The following RFC1 variants were observed in gnomAD, a reference collection of about 807,000 sequenced individuals.
RFC1 encodes replication factor C subunit 1.
Under a neutral mutation model 137.4 loss-of-function variants are expected in RFC1, and 37 were observed. The ratio of observed to expected loss-of-function variants is 0.27; its 90% CI spans 0.21 to 0.35. The LOEUF is 0.35. RFC1 is among the 10% of genes least tolerant of loss of function. The pLI is 1.00. For missense variants in RFC1, 1,205 were observed against 1,358.5 expected (o/e 0.89, Z 1.78); for synonymous variants, 429 against 455.7 (o/e 0.94, Z 0.75).
intron 4 of RFC1, among the ~76,000 whole-genome samples, chr4:39,333,590 T>C (rs1451480705): frequency 6.7e-6 from 1 of 148,682 alleles, no homozygotes; most frequent in Non-Finnish European, 1.5e-5. Context: ...CTCATGAAAA[T>C]AGCAAAACGG....
intron 1 of RFC1, among the ~76,000 whole-genome samples, chr4:39,364,591 T>C (rs767657092): frequency 2.6e-5 from 4 of 152,208 alleles, no homozygotes; most frequent in Non-Finnish European, 5.9e-5. Flanking sequence ...ATGTTCACCA[T>C]AAATGACAGA....
intron 4 of RFC1, among the ~76,000 whole-genome samples, chr4:39,332,297 T>C (rs1740141781): frequency 6.6e-6 from 1 of 152,194 alleles, no homozygotes; most frequent in African/African-American, 2.4e-5. Context: ...TGCTTTAGTT[T>C]CTACCTCCTC....
rs768864359 is a variant in RFC1, at chr4:39,300,113, G to C, written c.2716C>G (p.Leu906Val). 3 of 1,613,988 alleles carry C rather than the reference G, an allele frequency of 1.9e-6. No homozygotes were observed. Among genetic ancestry groups the C allele is most frequent in the Non-Finnish European group, 2.5e-6 (3 of 1,179,910 alleles). The change falls in exon 21 of 25, where the codon CTT becomes GTT. Residue 906 changes from leucine (L) to valine (V), a missense_variant. Physicochemically the swap from Leu to Val is conservative, Grantham distance 32. Transcript: ENST00000349703. ...AGGDMKKHLM[L>V]LSRAADSICD... ...ATGCTGTCTGCTGCTCTGCTTAAAAGCATCAGGTGCTTTTTCATGTCACCC... is the reference window on the plus strand; with the variant it reads ...ATGCTGTCTGCTGCTCTGCTTAAAACCATCAGGTGCTTTTTCATGTCACCC...
At chr4:39,291,502 A>AT in intron 23 of RFC1, 137 bp downstream of exon 23, 1 of 655,354 alleles carries the variant, frequency 1.5e-6, no homozygotes. Flanking sequence ...TCTTTGGAAA[A>AT]TATAGGCCAT....
chr4:39,321,158 C>G, intron 8 of RFC1, 129 bp downstream of exon 8: 1 of 730,122 alleles, frequency 1.4e-6, no homozygotes, highest in Non-Finnish European at 2.2e-6. Context: ...TCAATATGCT[C>G]TAATAGTCCT....
intron 12 of RFC1, among the ~76,000 whole-genome samples, chr4:39,309,819 G>C (rs1738878767): frequency 6.6e-6 from 1 of 152,210 alleles, no homozygotes; most frequent in Non-Finnish European, 1.5e-5. Flanking sequence ...TTTATAGTAT[G>C]TAATATCTCA....
At chr4:39,333,106 A>G (rs1560611320) in intron 4 of RFC1, among the ~76,000 whole-genome samples, 1 of 152,248 alleles carries the variant, frequency 6.6e-6, no homozygotes, top group Admixed American at 6.5e-5. Flanking sequence ...AGTTTGACTT[A>G]CTATTTTTAA....
intron 4 of RFC1, among the ~76,000 whole-genome samples, chr4:39,336,984 G>T (rs949187236): frequency 2.6e-5 from 4 of 152,132 alleles, no homozygotes; most frequent in African/African-American, 9.7e-5. Context: ...AAAACTAGAT[G>T]ACATGAAAAA....
intron 1 of RFC1, among the ~76,000 whole-genome samples, chr4:39,357,784 T>C (rs1741555555): frequency 6.6e-6 from 1 of 151,766 alleles, no homozygotes; most frequent in South Asian, 2.1e-4. Context: ...ACCCAGCTAA[T>C]TTTTCTGTAT....
intron 4 of RFC1, among the ~76,000 whole-genome samples, chr4:39,331,944 T>C (rs1740124230): frequency 1.3e-5 from 2 of 152,064 alleles, no homozygotes; most frequent in African/African-American, 4.8e-5. Context: ...CAGAGAAAGG[T>C]GAATGAATCA....
At chr4:39,345,587 C>A (rs1373101716) in intron 2 of RFC1, 111 bp from the exon 3 acceptor site, 4 of 755,280 alleles carry the variant, frequency 5.3e-6, no homozygotes, top group South Asian at 1.8e-5. Flanking sequence ...GTGGCACGAT[C>A]TCGGCTCACT....
At chr4:39,351,253 G>T in intron 2 of RFC1, 95 bp downstream of exon 2, 1 of 312,674 alleles carries the variant, frequency 3.2e-6, no homozygotes, top group Non-Finnish European at 4.5e-6. Flanking sequence ...TCTGTCTCAG[G>T]AAAAAAAAAA....
chr4:39,346,563 C>T (rs1422887529), intron 2 of RFC1, among the ~76,000 whole-genome samples: 1 of 151,494 alleles, frequency 6.6e-6, no homozygotes, highest in Admixed American at 6.6e-5. Flanking sequence ...CTAACATATT[C>T]AAATTTTCTC....
intron 4 of RFC1, among the ~76,000 whole-genome samples, chr4:39,335,694 C>A (rs1020818700): frequency 6.6e-6 from 1 of 152,090 alleles, no homozygotes; most frequent in African/African-American, 2.4e-5. Flanking sequence ...TCTTACAATT[C>A]TAAGGCATAA....
intron 4 of RFC1, chr4:39,341,715 T>C (rs1181036934): frequency 4.4e-6 from 2 of 455,332 alleles, no homozygotes; most frequent in Non-Finnish European, 8.8e-6. Flanking sequence ...CTAACTTATC[T>C]GAGTTTTTCT....
intron 2 of RFC1, among the ~76,000 whole-genome samples, chr4:39,350,529 G>A (rs770335648): frequency 3.3e-5 from 5 of 152,102 alleles, no homozygotes; most frequent in Non-Finnish European, 7.4e-5. Context: ...CAACATCAAT[G>A]ACTGGAGGCA....
intron 4 of RFC1, among the ~76,000 whole-genome samples, chr4:39,334,823 A>C (rs2109710252): frequency 6.6e-6 from 1 of 152,360 alleles, no homozygotes; most frequent in Non-Finnish European, 1.5e-5. Flanking sequence ...TGGTACGAAC[A>C]ACCAAGCAAA....
chr4:39,330,611 A>C (rs180769855), intron 4 of RFC1, among the ~76,000 whole-genome samples: 2 of 152,312 alleles, frequency 1.3e-5, no homozygotes, highest in Non-Finnish European at 2.9e-5. Flanking sequence ...CTCAACCAGT[A>C]TGTACAAACC....
At chr4:39,355,414 CAG>C (rs1001380543) in intron 1 of RFC1, among the ~76,000 whole-genome samples, 1 of 150,508 alleles carries the variant, frequency 6.6e-6, no homozygotes, top group African/African-American at 2.5e-5. Flanking sequence ...GCCTGGGCAA[CAG>C]AGCAATAACC....
Sources: allele counts gnomAD v4.1 joint callset (sites outside exome capture counted in the v4.1 genomes callset), GRCh38; gene constraint gnomAD v4.1.1; transcripts MANE v1.5; gene names NCBI Gene and HGNC (gene_info 2026-07-23, HGNC 2026-07-21).